The following XKR4 variants were observed in gnomAD, a reference collection of about 807,000 sequenced individuals.
XKR4 encodes XK-related protein 4.
Under a neutral mutation model 53.9 loss-of-function variants are expected in XKR4, and 12 were observed. The observed-to-expected ratio is 0.22, with a 90% CI of 0.14 to 0.36. XKR4 has a LOEUF of 0.36. Ranked by LOEUF, XKR4 falls within the 10% of genes least tolerant of loss-of-function variation. The pLI, the probability that XKR4 is intolerant of heterozygous loss-of-function variation, is 1.00. For synonymous variants in XKR4, 354 were observed against 362.4 expected (o/e 0.98, Z 0.26); for missense variants, 799 against 859.5 (o/e 0.93, Z 0.88).
At chr8:55,191,394 C>A (rs548667133) in intron 1 of XKR4, among the ~76,000 whole-genome samples, 74 of 152,072 alleles carry the variant, frequency 4.9e-4, no homozygotes, top group Non-Finnish European at 8.7e-4. Context: ...TATCTGAAAC[C>A]AGATCTATGG....
At chr8:55,375,310 C>A (rs1466322019) in intron 2 of XKR4, among the ~76,000 whole-genome samples, 1 of 152,220 alleles carries the variant, frequency 6.6e-6, no homozygotes, top group Non-Finnish European at 1.5e-5. Context: ...CTCCTCTGGC[C>A]TCCTCCTTGC....
intron 2 of XKR4, among the ~76,000 whole-genome samples, chr8:55,428,669 G>A (rs1188726382): frequency 2.0e-5 from 3 of 152,156 alleles, no homozygotes; most frequent in South Asian, 2.1e-4. Flanking sequence ...GAACTTCCAC[G>A]CCCATCCAGT....
intron 2 of XKR4, among the ~76,000 whole-genome samples, chr8:55,427,382 A>T (rs570781366): frequency 1.7e-4 from 26 of 152,266 alleles, no homozygotes; most frequent in African/African-American, 6.0e-4. Context: ...CTTTAAAAAA[A>T]ATTTTTTTAA....
chr8:55,184,194 T>C (rs1256327208), intron 1 of XKR4, among the ~76,000 whole-genome samples: 1 of 152,190 alleles, frequency 6.6e-6, no homozygotes, highest in Non-Finnish European at 1.5e-5. Context: ...TGTTGGTCCC[T>C]GTAGATACCT....
chr8:55,534,424 A>G lies in XKR4; in HGVS notation c.*10197A>G. 1 of 112,846 alleles carries G rather than the reference A, an allele frequency of 8.9e-6. No homozygotes were observed. Among genetic ancestry groups the G allele is most frequent in the Admixed American group, 1.3e-4 (1 of 7,414 alleles). 7.0% of individuals were successfully genotyped at this position (112,846 alleles called of 1,614,324 possible). Reference sequence around the variant, plus strand: ...AGTCTCGCTCTGTCGCAGGGGCTGGAGTGCAGTGGCACAATCTCGGCTCAC... The same window carrying G: ...AGTCTCGCTCTGTCGCAGGGGCTGGGGTGCAGTGGCACAATCTCGGCTCAC... On this transcript the variant is annotated 3_prime_UTR_variant, in exon 3 of 3. Coordinates refer to ENST00000327381, the MANE Select transcript of XKR4 (RefSeq NM_052898.2).
chr8:55,234,114 AG>A (rs1304615597), intron 1 of XKR4, among the ~76,000 whole-genome samples: 4 of 152,186 alleles, frequency 2.6e-5, no homozygotes, highest in Non-Finnish European at 4.4e-5. Context: ...CCTGTGGACC[AG>A]GGAGACAGAA....
At position 55,529,367 on chromosome 8, in the gene XKR4, C is replaced by T. The variant is rs1208037576; in HGVS notation, c.*5140C>T. The T allele has an allele frequency of 6.6e-6, 1 of 152,062 alleles. No individual in the cohort carries two copies. The allele number at this position is 152,062 out of a possible 1,614,324, so 9.4% of individuals were successfully genotyped here. A position where few individuals can be genotyped will look rare whatever the true frequency, so the allele number is the denominator to read the frequency against. Reference sequence around the variant, plus strand: ...AAATATTTTCGTAATATACTGACAGCCTAATGTCAGAAACGAGCTGCCTAA... The same window carrying T: ...AAATATTTTCGTAATATACTGACAGTCTAATGTCAGAAACGAGCTGCCTAA... On this transcript the variant is annotated 3_prime_UTR_variant, in exon 3 of 3. Transcript: ENST00000327381.
chr8:55,303,208 C>T (rs182599017), intron 1 of XKR4, among the ~76,000 whole-genome samples: 1 of 151,992 alleles, frequency 6.6e-6, no homozygotes, highest in Non-Finnish European at 1.5e-5. Context: ...TAGCATGAAG[C>T]GTTGTTGAAT....
At chr8:55,341,022 G>A (rs994664082) in intron 1 of XKR4, among the ~76,000 whole-genome samples, 19 of 152,170 alleles carry the variant, frequency 1.2e-4, no homozygotes, top group Non-Finnish European at 4.4e-5. Context: ...TGGAACTCAT[G>A]TAATACCAAT....
At chr8:55,511,996 T>A (rs1806632552) in intron 2 of XKR4, among the ~76,000 whole-genome samples, 1 of 152,126 alleles carries the variant, frequency 6.6e-6, no homozygotes, top group African/African-American at 2.4e-5. Flanking sequence ...GGATTCAGAA[T>A]GACCAATTAT....
intron 2 of XKR4, among the ~76,000 whole-genome samples, chr8:55,507,796 C>T (rs1052057700): frequency 1.3e-5 from 2 of 152,144 alleles, no homozygotes; most frequent in East Asian, 1.9e-4. Flanking sequence ...GTGAATAATG[C>T]CGCAATAAAC....
chr8:55,535,136 G>C lies in XKR4; in HGVS notation c.*10909G>C, dbSNP rs1459926815. 6.6e-6 allele frequency: 1 copy of C among 151,948 alleles called. No homozygotes were observed. The highest frequency in any genetic ancestry group is 1.9e-4 in the East Asian group (1 of 5,182). 9.4% of individuals were successfully genotyped at this position (151,948 alleles called of 1,614,324 possible). On this transcript the variant is annotated 3_prime_UTR_variant, in exon 3 of 3. Coordinates refer to ENST00000327381, the MANE Select transcript of XKR4 (RefSeq NM_052898.2). ...TCAGCACTAGCATCACGGCGAGTCA[G>C]TTTTCAGAACTAGCTCTTGGCGCAA...
chr8:55,293,430 T>C (rs1417438756), intron 1 of XKR4, among the ~76,000 whole-genome samples: 2 of 152,348 alleles, frequency 1.3e-5, no homozygotes, highest in African/African-American at 2.4e-5. Context: ...GTTGTAATCA[T>C]TTAAAAAATA....
chr8:55,495,384 G>T (rs1472586436), intron 2 of XKR4, among the ~76,000 whole-genome samples: 2 of 152,174 alleles, frequency 1.3e-5, no homozygotes, highest in African/African-American at 4.8e-5. Flanking sequence ...CCACTCAGAA[G>T]GAGCAGGGCT....
At chr8:55,400,674 A>G (rs1804585917) in intron 2 of XKR4, among the ~76,000 whole-genome samples, 1 of 152,200 alleles carries the variant, frequency 6.6e-6, no homozygotes, top group Admixed American at 6.5e-5. Flanking sequence ...AAAGGTCTCC[A>G]TTCCCACAGG....
rs903607695 is a variant in XKR4, at chr8:55,529,769, A to T, written c.*5542A>T. ...AACAGAATCATGGTCTGATGATCAA[A>T]TTTTTCCAAGAAAATTTTATTTAAA... On this transcript the variant is annotated 3_prime_UTR_variant, in exon 3 of 3. Coordinates refer to ENST00000327381, the MANE Select transcript of XKR4 (RefSeq NM_052898.2). The T allele has an allele frequency of 6.6e-6, 1 of 152,162 alleles. No homozygotes were observed. The highest frequency in any genetic ancestry group is 1.5e-5 in the Non-Finnish European group (1 of 68,030). 9.4% of individuals were successfully genotyped at this position (152,162 alleles called of 1,614,324 possible).
intron 1 of XKR4, among the ~76,000 whole-genome samples, chr8:55,341,794 C>G (rs575793353): frequency 6.6e-6 from 1 of 152,192 alleles, no homozygotes; most frequent in African/African-American, 2.4e-5. Flanking sequence ...CTGAGAGAAG[C>G]TGGATCCTTG....
Position 55,280,806 on chromosome 8 carries a change from CA to C in XKR4, c.807-76870del, listed in dbSNP as rs1268560003. Among the ~76,000 whole-genome samples the C allele has an allele frequency of 9.2e-5, 14 of 152,090 alleles. No homozygotes were observed. The East Asian group carries it at 2.7e-3, about 29-fold the overall frequency. The stretch of plus-strand genomic sequence containing the variant: ...CTGAAATCAATAAGAGTTTAGAAAA[CA>C]AGACTAAATGCCCATTCTATACGTT... On this transcript the variant is annotated intron_variant, in intron 1 of 2. Coordinates refer to ENST00000327381, the MANE Select transcript of XKR4 (RefSeq NM_052898.2).
At chr8:55,427,612 T>A (rs1485719212) in intron 2 of XKR4, among the ~76,000 whole-genome samples, 1 of 152,228 alleles carries the variant, frequency 6.6e-6, no homozygotes, top group Non-Finnish European at 1.5e-5. Flanking sequence ...CAGAAAGAGC[T>A]ATTTGTAATA....
Sources: allele counts gnomAD v4.1 joint callset (sites outside exome capture counted in the v4.1 genomes callset), GRCh38; gene constraint gnomAD v4.1.1; transcripts MANE v1.5; gene names NCBI Gene and HGNC (gene_info 2026-07-23, HGNC 2026-07-21).